The following SLC24A3 variants were observed in gnomAD, a reference collection of about 807,000 sequenced individuals.
SLC24A3 encodes the protein solute carrier family 24 member 3, also known as sodium/potassium/calcium exchanger 3.
A neutral mutation model predicts 75.8 loss-of-function variants in SLC24A3; 28 were observed. The observed-to-expected ratio is 0.37, with a 90% CI of 0.27 to 0.51. The LOEUF (loss-of-function observed/expected upper bound fraction) is 0.51. Ranked by LOEUF, SLC24A3 falls within the 20% of genes least tolerant of loss-of-function variation. The probability of loss-of-function intolerance (pLI) is 0.94; values close to 1 mark genes in which losing one functional copy is unlikely to be tolerated. For missense variants in SLC24A3, 663 were observed against 847.8 expected (o/e 0.78, Z 2.71); for synonymous variants, 372 against 334.1 (o/e 1.11, Z -1.24).
intron 12 of SLC24A3, among the ~76,000 whole-genome samples, chr20:19,689,814 T>A (rs1296540295): frequency 6.6e-6 from 1 of 152,094 alleles, no homozygotes; most frequent in African/African-American, 2.4e-5. Context: ...GCGGATCACC[T>A]GAGTTCAGGA....
At chr20:19,473,246 A>T (rs748169464) in intron 2 of SLC24A3, among the ~76,000 whole-genome samples, 4 of 152,190 alleles carry the variant, frequency 2.6e-5, no homozygotes, top group Admixed American at 6.5e-5. Flanking sequence ...GCTCTTCAGG[A>T]TTTTAAAGCA....
rs2031615195 is a variant in SLC24A3, at chr20:19,607,663, G to A, written c.612+22119G>A. Among the ~76,000 whole-genome samples, 3 of 152,116 alleles carry A rather than the reference G, an allele frequency of 2.0e-5. No individual in the cohort carries two copies. In the South Asian group the frequency reaches 6.2e-4, roughly 32 times the overall value. The stretch of plus-strand genomic sequence containing the variant: ...AAATCTAATCAATTCTTCCACTGTA[G>A]CATTTCTCATCCTGCCCCTTGCTTT... On this transcript the variant is annotated intron_variant, in intron 6 of 16. Transcript: ENST00000328041.
At chr20:19,578,712 G>T (rs2031177169) in intron 3 of SLC24A3, among the ~76,000 whole-genome samples, 1 of 152,126 alleles carries the variant, frequency 6.6e-6, no homozygotes, top group Non-Finnish European at 1.5e-5. Context: ...ACTGCTGAGG[G>T]TGCTAGAACT....
At chr20:19,333,483 G>C (rs560254458) in intron 2 of SLC24A3, among the ~76,000 whole-genome samples, 1 of 152,264 alleles carries the variant, frequency 6.6e-6, no homozygotes, top group South Asian at 2.1e-4. Flanking sequence ...GAAGGGAATT[G>C]TTTCACCAAA....
chr20:19,615,768 C>T (rs1277872524), intron 6 of SLC24A3, among the ~76,000 whole-genome samples: 2 of 152,312 alleles, frequency 1.3e-5, no homozygotes, highest in East Asian at 3.9e-4. Flanking sequence ...TCCTCCTGCC[C>T]TTGGACATCA....
chr20:19,706,096 GTCTC>G (rs927835033), intron 15 of SLC24A3, among the ~76,000 whole-genome samples: 3 of 152,174 alleles, frequency 2.0e-5, no homozygotes, highest in South Asian at 2.1e-4. Context: ...GAGGGTGTCT[GTCTC>G]TCTCTCTCCA....
At chr20:19,618,537 T>C (rs925326481) in intron 6 of SLC24A3, among the ~76,000 whole-genome samples, 1 of 152,188 alleles carries the variant, frequency 6.6e-6, no homozygotes, top group African/African-American at 2.4e-5. Context: ...TAGCTCCAAA[T>C]ACAGCTGCCT....
At chr20:19,232,761 T>C (rs1209525505) in intron 1 of SLC24A3, among the ~76,000 whole-genome samples, 1 of 152,258 alleles carries the variant, frequency 6.6e-6, no homozygotes, top group African/African-American at 2.4e-5. Context: ...AATTTTTGTC[T>C]AAATCTATTT....
Position 19,524,092 on chromosome 20 carries a change from AC to A in SLC24A3, c.348+8533del, listed in dbSNP as rs549474702. ...CATGTTCTAGCCTGCCCCCGAAAGT[AC>A]CCCCAAAGGAATAAGCCCTCGCTGT... On this transcript the variant is annotated intron_variant, in intron 3 of 16. Transcript: ENST00000328041. Among the ~76,000 whole-genome samples the A allele has an allele frequency of 5.1e-3, 772 of 152,080 alleles. 7 individuals carry two copies. Among genetic ancestry groups the A allele is most frequent in the African/African-American group, 0.018 (729 of 41,466 alleles).
chr20:19,481,763 C>G (rs997715118), intron 2 of SLC24A3, among the ~76,000 whole-genome samples: 2 of 152,104 alleles, frequency 1.3e-5, no homozygotes, highest in African/African-American at 2.4e-5. Context: ...GAGTGCTCCC[C>G]GAGTGATCTT....
At chr20:19,449,088 C>A (rs1987436875) in intron 2 of SLC24A3, among the ~76,000 whole-genome samples, 1 of 152,160 alleles carries the variant, frequency 6.6e-6, no homozygotes, top group African/African-American at 2.4e-5. Context: ...GAGAGGGAGG[C>A]AGGAAATGGG....
chr20:19,667,332 C>A (rs2122723369), intron 8 of SLC24A3, among the ~76,000 whole-genome samples: 1 of 152,302 alleles, frequency 6.6e-6, no homozygotes, highest in African/African-American at 2.4e-5. Flanking sequence ...TGCCCAGGAG[C>A]ACCCCAGATC....
intron 1 of SLC24A3, among the ~76,000 whole-genome samples, chr20:19,220,908 C>A (rs945819159): frequency 6.6e-6 from 1 of 152,178 alleles, no homozygotes; most frequent in South Asian, 2.1e-4. Context: ...TTATTCTTTA[C>A]CTTATCACAA....
intron 2 of SLC24A3, among the ~76,000 whole-genome samples, chr20:19,281,975 G>A (rs1600409794): frequency 6.6e-6 from 1 of 152,222 alleles, no homozygotes; most frequent in African/African-American, 2.4e-5. Context: ...GGGGCTTTCT[G>A]TCCTTGCCTG....
intron 2 of SLC24A3, among the ~76,000 whole-genome samples, chr20:19,413,891 G>T (rs1287189740): frequency 6.6e-6 from 1 of 152,086 alleles, no homozygotes; most frequent in Non-Finnish European, 1.5e-5. Flanking sequence ...CAAGCATCAA[G>T]CTGGGAAATG....
chr20:19,636,728 A>G (rs988895475), intron 6 of SLC24A3, among the ~76,000 whole-genome samples: 1 of 152,126 alleles, frequency 6.6e-6, no homozygotes, highest in Non-Finnish European at 1.5e-5. Flanking sequence ...ACTAGCTGCC[A>G]CATCACTCAT....
intron 2 of SLC24A3, among the ~76,000 whole-genome samples, chr20:19,388,514 A>G (rs1398286745): frequency 6.6e-6 from 1 of 152,164 alleles, no homozygotes; most frequent in East Asian, 1.9e-4. Flanking sequence ...GATGAAGACC[A>G]TCCTGGCTAA....
At chr20:19,536,971 G>T (rs916313953) in intron 3 of SLC24A3, among the ~76,000 whole-genome samples, 2 of 152,200 alleles carry the variant, frequency 1.3e-5, no homozygotes, top group Non-Finnish European at 2.9e-5. Flanking sequence ...CATGGGCAAT[G>T]ACTTCATGTA....
At chr20:19,363,053 C>T (rs537789340) in intron 2 of SLC24A3, among the ~76,000 whole-genome samples, 5 of 152,340 alleles carry the variant, frequency 3.3e-5, no homozygotes, top group Admixed American at 1.3e-4. Flanking sequence ...AGGATAGGAA[C>T]TGACAGGTGT....
Sources: allele counts gnomAD v4.1 joint callset (sites outside exome capture counted in the v4.1 genomes callset), GRCh38; gene constraint gnomAD v4.1.1; transcripts MANE v1.5; gene names NCBI Gene and HGNC (gene_info 2026-07-23, HGNC 2026-07-21).